The following SFMBT2 variants were observed in gnomAD, a reference collection of about 807,000 sequenced individuals.
The protein encoded by SFMBT2 is Scm like with four mbt domains 2.
SFMBT2 carries 38 observed loss-of-function variants against 110.1 expected under a neutral mutation model. That is an observed-to-expected ratio of 0.35 (90% confidence interval 0.27 to 0.45). The LOEUF (loss-of-function observed/expected upper bound fraction) is 0.45, where lower values mean the gene tolerates loss of function less well. Ranked by LOEUF, SFMBT2 falls within the 20% of genes least tolerant of loss-of-function variation. The pLI is 1.00. For missense variants in SFMBT2, 1,011 were observed against 1,094.9 expected, an observed-to-expected ratio of 0.92 and a Z score of 1.08; for synonymous variants, 425 against 425.4, an observed-to-expected ratio of 1.00 and a Z score of 0.01.
intron 4 of SFMBT2, chr10:7,286,549 C>T (rs1314420771): frequency 6.3e-6 from 1 of 158,034 alleles, no homozygotes; most frequent in African/African-American, 2.4e-5. Context: ...TGCATCTTTA[C>T]TGAACATGTA....
intron 16 of SFMBT2, among the ~76,000 whole-genome samples, chr10:7,177,702 C>CA (rs2131546089): frequency 6.6e-6 from 1 of 152,010 alleles, no homozygotes; most frequent in East Asian, 1.9e-4. Context: ...CCCATCTCTA[C>CA]AAAAAATTTA....
chr10:7,363,857 G>A (rs989623135), intron 4 of SFMBT2, among the ~76,000 whole-genome samples: 3 of 152,034 alleles, frequency 2.0e-5, no homozygotes, highest in Non-Finnish European at 2.9e-5. Flanking sequence ...CCTGGAATCA[G>A]TAAGAAAATC....
intron 12 of SFMBT2, chr10:7,205,558 G>A (rs1471205598): frequency 2.0e-6 from 2 of 985,270 alleles, no homozygotes; most frequent in East Asian, 2.3e-4. Context: ...AAAACTGAGA[G>A]TGATGATTTC....
intron 7 of SFMBT2, among the ~76,000 whole-genome samples, chr10:7,264,478 C>G (rs1841321286): frequency 6.6e-6 from 1 of 152,258 alleles, no homozygotes; most frequent in Admixed American, 6.5e-5. Context: ...AGATGCAGTA[C>G]AAGCCTCAGT....
chr10:7,405,436 G>A (rs890215650), intron 1 of SFMBT2, among the ~76,000 whole-genome samples: 2 of 152,112 alleles, frequency 1.3e-5, no homozygotes, highest in African/African-American at 2.4e-5. Flanking sequence ...TCTACCCTTC[G>A]CCTTTTCCAG....
At chr10:7,358,325 A>G (rs1297248210) in intron 4 of SFMBT2, among the ~76,000 whole-genome samples, 7 of 150,294 alleles carry the variant, frequency 4.7e-5, no homozygotes, top group Non-Finnish European at 1.0e-4. Flanking sequence ...GCATGGCCCT[A>G]GAACATCTGC....
At chr10:7,194,049 C>T (rs961654625) in intron 15 of SFMBT2, among the ~76,000 whole-genome samples, 3 of 152,326 alleles carry the variant, frequency 2.0e-5, no homozygotes, top group South Asian at 2.1e-4. Context: ...AACAACTCCA[C>T]CCTCCATGCA....
rs935763562 is a variant in SFMBT2, at chr10:7,206,109, T to C, written c.1331-181A>G. The C allele has an allele frequency of 1.4e-4, 136 of 985,300 alleles. No individual in the cohort carries two copies. The African/African-American group carries it at 2.2e-3, about 16-fold the overall frequency. 61.0% of individuals were successfully genotyped at this position (985,300 alleles called of 1,614,324 possible). ...GACTTTAGAGGAGTCTTTAATCTTA[T>C]CAGAGACAAAACTCCTTGAAATATA... is the stretch of plus-strand genomic sequence containing the variant. On this transcript the variant is annotated intron_variant, in intron 11 of 20. Transcript: ENST00000397167.
intron 1 of SFMBT2, among the ~76,000 whole-genome samples, chr10:7,400,069 G>A (rs540940999): frequency 5.7e-4 from 87 of 152,172 alleles, no homozygotes; most frequent in African/African-American, 2.0e-3. Flanking sequence ...CAGGCAGGGT[G>A]AGCTCAGCCT....
chr10:7,346,816 CAAAAAAAAAA>C (rs34063872), intron 4 of SFMBT2, among the ~76,000 whole-genome samples: 1 of 59,848 alleles, frequency 1.7e-5, no homozygotes, highest in Admixed American at 2.1e-4. Flanking sequence ...ATTAAAGATA[CAAAAAAAAAA>C]AAAAAAAAAA....
At position 7,301,183 on chromosome 10, in the gene SFMBT2, C is replaced by T. The variant is rs1039623035; in HGVS notation, c.437-15229G>A. On this transcript the variant is annotated intron_variant, in intron 4 of 20. Coordinates refer to ENST00000397167, the MANE Select transcript of SFMBT2 (RefSeq NM_001387889.1). The surrounding 1 kb of genome is among the most constrained non-coding windows in gnomAD (Gnocchi z 4.2). ...ACAGAAGTTCCTTCACTGAAAGTCT[C>T]GGGGAAGGGAATAGTCAGCATAAAG... is the stretch of plus-strand genomic sequence containing the variant. 1.9e-4 allele frequency among the ~76,000 whole-genome samples: 29 copies of T among 152,094 alleles called. No homozygotes were observed. Among genetic ancestry groups the T allele is most frequent in the Admixed American group, 1.3e-4 (2 of 15,276 alleles).
Position 7,200,494 on chromosome 10 carries a change from G to A in SFMBT2, c.1488-10C>T. 6.3e-7 allele frequency: 1 copy of A among 1,594,188 alleles called. No homozygotes were observed. Among genetic ancestry groups the A allele is most frequent in the Non-Finnish European group, 8.5e-7 (1 of 1,170,158 alleles). On this transcript the variant is annotated splice_polypyrimidine_tract_variant and intron_variant, in intron 13 of 20. Transcript: ENST00000397167. ...CACTGTGGGCGGCAATCTGTCAACA[G>A]AGAAAATAAAACTATCAGGGACCAC...
intron 15 of SFMBT2, among the ~76,000 whole-genome samples, chr10:7,192,070 C>T (rs1470270024): frequency 6.6e-6 from 1 of 152,090 alleles, no homozygotes; most frequent in Non-Finnish European, 1.5e-5. Context: ...GTGCACTTTT[C>T]CTTTGCCAAC....
intron 7 of SFMBT2, among the ~76,000 whole-genome samples, chr10:7,271,339 TC>T (rs1484751506): frequency 4.0e-5 from 6 of 150,524 alleles, no homozygotes. Flanking sequence ...AAGACATATG[TC>T]CATGAATTCA....
chr10:7,167,091 CG>C, intron 20 of SFMBT2, among the ~76,000 whole-genome samples: 2 of 152,250 alleles, frequency 1.3e-5, no homozygotes, highest in East Asian at 1.9e-4. Context: ...ATAGAGCACT[CG>C]GGTGAGGATC....
At chr10:7,350,076 C>G (rs1258991158) in intron 4 of SFMBT2, among the ~76,000 whole-genome samples, 1 of 152,292 alleles carries the variant, frequency 6.6e-6, no homozygotes, top group East Asian at 1.9e-4. Context: ...GCCCACAGCC[C>G]CACTCCACAG....
intron 4 of SFMBT2, among the ~76,000 whole-genome samples, chr10:7,358,464 G>T (rs557286750): frequency 2.7e-5 from 4 of 149,946 alleles, no homozygotes; most frequent in Non-Finnish European, 4.5e-5. Context: ...CCCTGGAATG[G>T]AGGCATTGCC....
Position 7,312,213 on chromosome 10 carries a change from A to C in SFMBT2, c.437-26259T>G, listed in dbSNP as rs147556631. Among the ~76,000 whole-genome samples, 855 of 152,222 alleles carry C rather than the reference A, an allele frequency of 5.6e-3. 10 individuals are homozygous for C. Among genetic ancestry groups the C allele is most frequent in the African/African-American group, 0.019 (804 of 41,534 alleles). ...GCACATTGTGCACATGTACCCTAGA[A>C]CGTAAAGTATAATTTAAAAAAAAAA... On this transcript the variant is annotated intron_variant, in intron 4 of 20. Transcript: ENST00000397167.
At chr10:7,337,256 T>C (rs2182656) in intron 4 of SFMBT2, among the ~76,000 whole-genome samples, 39,267 of 152,086 alleles carry the variant, frequency 0.26, 6,622 homozygotes, top group African/African-American at 0.47. Flanking sequence ...GGCCCAAAGA[T>C]AGAAAACGTA....
Sources: allele counts gnomAD v4.1 joint callset (sites outside exome capture counted in the v4.1 genomes callset), GRCh38; gene constraint gnomAD v4.1.1; non-coding constraint Gnocchi (gnomAD v3.1); transcripts MANE v1.5; gene names NCBI Gene and HGNC (gene_info 2026-07-23, HGNC 2026-07-21).